Variants in PTPRD observed in about 807,000 individuals in gnomAD.
PTPRD encodes the protein receptor-type tyrosine-protein phosphatase delta.
PTPRD carries 34 observed loss-of-function variants against 214.5 expected under a neutral mutation model. That is an observed-to-expected ratio of 0.16 (90% CI 0.12 to 0.21). The LOEUF (loss-of-function observed/expected upper bound fraction) is 0.21. Ranked by LOEUF, PTPRD falls within the 10% of genes least tolerant of loss-of-function variation. The probability of loss-of-function intolerance (pLI) is 1.00; values close to 1 mark genes in which losing one functional copy is unlikely to be tolerated. For missense variants in PTPRD, 2,545 were observed against 2,398.7 expected (o/e 1.06, Z -1.27); for synonymous variants, 1,128 against 845.7 (o/e 1.33, Z -5.79).
rs1159945889 is a variant in PTPRD at position 9,927,993 on chromosome 9, G to A, written c.-368+10514C>T. On this transcript the variant is annotated intron_variant, in intron 5 of 45. Transcript: ENST00000381196. ...CAACTAACATAAAACTTGTTTTTAT[G>A]TATTATAGGCATATATTCTTAAATG... 2.7e-5 allele frequency among the ~76,000 whole-genome samples: 4 copies of A among 150,634 alleles called. No homozygotes were observed. In the East Asian group the frequency reaches 8.0e-4, roughly 30 times the overall value.
At chr9:10,577,540 T>C (rs2069859630) in intron 2 of PTPRD, among the ~76,000 whole-genome samples, 1 of 152,210 alleles carries the variant, frequency 6.6e-6, no homozygotes, top group Non-Finnish European at 1.5e-5. Flanking sequence ...CCTACCAACA[T>C]CTTTCTTTTC....
At chr9:9,994,420 C>T (rs988215784) in intron 4 of PTPRD, among the ~76,000 whole-genome samples, 1 of 152,112 alleles carries the variant, frequency 6.6e-6, no homozygotes, top group African/African-American at 2.4e-5. Context: ...TCTCTTCTCC[C>T]ATACTGTATA....
At chr9:8,528,820 C>A (rs2139493558) in intron 14 of PTPRD, 41 bp from the exon 15 acceptor site, 2 of 1,586,688 alleles carry the variant, frequency 1.3e-6, no homozygotes, top group South Asian at 2.2e-5. Flanking sequence ...GTTAATAAGT[C>A]AGATGCTCCA....
chr9:10,590,973 G>C (rs1223966674), intron 2 of PTPRD, among the ~76,000 whole-genome samples: 2 of 151,598 alleles, frequency 1.3e-5, no homozygotes, highest in Non-Finnish European at 2.9e-5. Context: ...ATTTAAGAAT[G>C]TTTGAAAAAC....
chr9:9,190,525 T>C (rs1243984701), intron 9 of PTPRD, among the ~76,000 whole-genome samples: 1 of 152,164 alleles, frequency 6.6e-6, no homozygotes, highest in South Asian at 2.1e-4. Context: ...CTCAGGTATG[T>C]CTTTATCAGC....
intron 12 of PTPRD, among the ~76,000 whole-genome samples, chr9:8,651,984 C>T (rs1300858414): frequency 1.3e-5 from 2 of 152,112 alleles, no homozygotes; most frequent in African/African-American, 2.4e-5. Context: ...ATTTCAGTGC[C>T]GATTATGCAC....
At chr9:9,500,129 A>G (rs2096358191) in intron 8 of PTPRD, among the ~76,000 whole-genome samples, 1 of 152,110 alleles carries the variant, frequency 6.6e-6, no homozygotes, top group Admixed American at 6.6e-5. Flanking sequence ...TTCCATTCCT[A>G]GTACTTTTTG....
At chr9:9,850,732 G>A (rs1458572747) in intron 5 of PTPRD, among the ~76,000 whole-genome samples, 10 of 152,012 alleles carry the variant, frequency 6.6e-5, no homozygotes, top group Non-Finnish European at 1.5e-4. Context: ...AAAACACATT[G>A]TTATTAACTG....
chr9:9,927,469 C>A (rs532958885), intron 5 of PTPRD, among the ~76,000 whole-genome samples: 1 of 152,244 alleles, frequency 6.6e-6, no homozygotes, highest in East Asian at 1.9e-4. Context: ...GGATTTATAT[C>A]AAATTCAGCT....
At chr9:9,674,754 G>A (rs1369825211) in intron 7 of PTPRD, among the ~76,000 whole-genome samples, 1 of 151,656 alleles carries the variant, frequency 6.6e-6, no homozygotes, top group Non-Finnish European at 1.5e-5. Flanking sequence ...GATTTACTGG[G>A]AAGATGTACA....
At chr9:8,815,228 T>C (rs2096897040) in intron 11 of PTPRD, among the ~76,000 whole-genome samples, 1 of 152,164 alleles carries the variant, frequency 6.6e-6, no homozygotes, top group Admixed American at 6.6e-5. Context: ...ATATAAGCTG[T>C]TTCCCGTTCT....
chr9:9,147,363 A>T (rs2099870411), intron 10 of PTPRD, among the ~76,000 whole-genome samples: 1 of 151,724 alleles, frequency 6.6e-6, no homozygotes, highest in Non-Finnish European at 1.5e-5. Flanking sequence ...TTTTTTTAAA[A>T]TTTTTATTCT....
chr9:9,718,768 C>T (rs2097880351), intron 7 of PTPRD, among the ~76,000 whole-genome samples: 1 of 152,194 alleles, frequency 6.6e-6, no homozygotes, highest in South Asian at 2.1e-4. Context: ...GTCTTGGCCC[C>T]CTCTGGAAAC....
At chr9:9,571,069 AAAAC>A (rs1199220769) in intron 8 of PTPRD, among the ~76,000 whole-genome samples, 3 of 151,478 alleles carry the variant, frequency 2.0e-5, no homozygotes, top group Non-Finnish European at 3.0e-5. Flanking sequence ...CCAGAGATGA[AAAAC>A]AAACATTCTA....
chr9:9,370,984 T>C (rs992070953), intron 9 of PTPRD, among the ~76,000 whole-genome samples: 4 of 152,082 alleles, frequency 2.6e-5, no homozygotes, highest in African/African-American at 7.2e-5. Flanking sequence ...GGTGGATAAG[T>C]TTTTTGATGT....
At chr9:9,185,702 A>G (rs2099930961) in intron 9 of PTPRD, among the ~76,000 whole-genome samples, 1 of 152,052 alleles carries the variant, frequency 6.6e-6, no homozygotes, top group South Asian at 2.1e-4. Context: ...TGATTGCTGA[A>G]TGGCACCTTC....
At chr9:9,383,294 T>G (rs530354770) in intron 9 of PTPRD, among the ~76,000 whole-genome samples, 74 of 152,228 alleles carry the variant, frequency 4.9e-4, no homozygotes, top group African/African-American at 1.8e-3. Flanking sequence ...ATACCTGCTT[T>G]AAACATATTA....
chr9:8,996,183 A>G (rs1349212079), intron 11 of PTPRD, among the ~76,000 whole-genome samples: 2 of 152,132 alleles, frequency 1.3e-5, no homozygotes, highest in Non-Finnish European at 2.9e-5. Flanking sequence ...CAGCAACTTT[A>G]ATTCATAATC....
intron 9 of PTPRD, among the ~76,000 whole-genome samples, chr9:9,265,940 C>T (rs1399286695): frequency 6.6e-6 from 1 of 151,292 alleles, no homozygotes; most frequent in Non-Finnish European, 1.5e-5. Flanking sequence ...GACAGAGTGG[C>T]TAAATGGTTC....
Sources: gnomAD v4.1 joint callset for allele counts (sites outside exome capture counted in the v4.1 genomes callset) on GRCh38, gnomAD v4.1.1 for gene constraint, MANE v1.5 for transcripts, NCBI Gene and HGNC (gene_info 2026-07-23, HGNC 2026-07-21) for gene names.